Variants in ARHGAP15 observed in about 807,000 individuals in gnomAD.
The protein encoded by ARHGAP15 is rho GTPase-activating protein 15.
ARHGAP15 carries 51 observed loss-of-function variants against 63.7 expected under a neutral mutation model. The ratio of observed to expected loss-of-function variants is 0.80; its 90% CI spans 0.64 to 1.01. The LOEUF (loss-of-function observed/expected upper bound fraction) is 1.01, where lower values mean the gene tolerates loss of function less well. Among genes scored for constraint, ARHGAP15 ranks in the 50% least tolerant of loss-of-function variants. The pLI, the probability that ARHGAP15 is intolerant of heterozygous loss-of-function variation, is 0.00. For missense variants in ARHGAP15, 560 were observed against 564.6 expected, an observed-to-expected ratio of 0.99 and a Z score of 0.08; for synonymous variants, 191 against 193.8, an observed-to-expected ratio of 0.99 and a Z score of 0.12.
At chr2:143,767,478 T>A (rs2072956760) in intron 13 of ARHGAP15, among the ~76,000 whole-genome samples, 1 of 152,232 alleles carries the variant, frequency 6.6e-6, no homozygotes. Context: ...TATACCAAAC[T>A]GTCTCAGAGC....
At position 143,154,893 on chromosome 2, in the gene ARHGAP15, C is replaced by T. The variant is rs140700626; in HGVS notation, c.-14-584C>T. ...TTCATATTCTTTATAAATACGATGT[C>T]CAACTAAGCTAGCAAATCTAGTTCA... On this transcript the variant is annotated intron_variant, in intron 1 of 13. Coordinates refer to ENST00000295095, the MANE Select transcript of ARHGAP15 (RefSeq NM_018460.4). Among the ~76,000 whole-genome samples, 466 of 151,918 alleles carry T rather than the reference C, an allele frequency of 3.1e-3. 2 individuals are homozygous for T. The highest frequency in any genetic ancestry group is 9.7e-3 in the African/African-American group (401 of 41,464).
chr2:143,414,229 T>G (rs1250160516), intron 6 of ARHGAP15, among the ~76,000 whole-genome samples: 1 of 151,492 alleles, frequency 6.6e-6, no homozygotes, highest in East Asian at 1.9e-4. Flanking sequence ...AACGAAATGA[T>G]GAGGCAGCAA....
Position 143,553,187 on chromosome 2 carries a change from T to A in ARHGAP15, c.926-3221T>A, listed in dbSNP as rs144152193. On this transcript the variant is annotated intron_variant, in intron 10 of 13. Transcript: ENST00000295095. ...CAACTCCAAGACTGTACCTATATAA[T>A]TTATAACTGTTAAAATTCACTGATA... Among the ~76,000 whole-genome samples the A allele has an allele frequency of 2.4e-4, 36 of 152,340 alleles. No homozygotes were observed. In the East Asian group the frequency reaches 6.9e-3, roughly 29 times the overall value.
intron 8 of ARHGAP15, among the ~76,000 whole-genome samples, chr2:143,443,173 A>T (rs1689968290): frequency 6.6e-6 from 1 of 152,186 alleles, no homozygotes; most frequent in Admixed American, 6.6e-5. Context: ...ACATATTTTA[A>T]AGTTTTTTCT....
chr2:143,138,713 G>A (rs529733475), intron 1 of ARHGAP15, among the ~76,000 whole-genome samples: 2 of 152,040 alleles, frequency 1.3e-5, no homozygotes, highest in South Asian at 2.1e-4. Flanking sequence ...TATCCAATAC[G>A]GTAGCAACTA....
At chr2:143,740,906 GA>G (rs1030772610) in intron 13 of ARHGAP15, among the ~76,000 whole-genome samples, 4 of 151,714 alleles carry the variant, frequency 2.6e-5, no homozygotes, top group Non-Finnish European at 4.4e-5. Flanking sequence ...CAGAAATATT[GA>G]AGCTGTGGTT....
chr2:143,233,457 T>C (rs1446758271), intron 5 of ARHGAP15, among the ~76,000 whole-genome samples: 1 of 152,070 alleles, frequency 6.6e-6, no homozygotes, highest in Non-Finnish European at 1.5e-5. Flanking sequence ...TAAAATCAAA[T>C]CACCTGTTAA....
At chr2:143,199,216 C>T (rs1692006460) in intron 2 of ARHGAP15, among the ~76,000 whole-genome samples, 1 of 152,012 alleles carries the variant, frequency 6.6e-6, no homozygotes, top group Non-Finnish European at 1.5e-5. Flanking sequence ...GTATTCTGCC[C>T]TCAGTTTCCT....
chr2:143,659,379 G>A (rs907531158), intron 12 of ARHGAP15, among the ~76,000 whole-genome samples: 3 of 152,048 alleles, frequency 2.0e-5, no homozygotes, highest in Non-Finnish European at 2.9e-5. Context: ...ACATTGTGCA[G>A]CTTAAATATA....
chr2:143,319,156 G>T (rs1039292775), intron 6 of ARHGAP15, among the ~76,000 whole-genome samples: 5 of 150,980 alleles, frequency 3.3e-5, no homozygotes, highest in Admixed American at 2.6e-4. Flanking sequence ...TAGATTGATA[G>T]CTCCATTTCT....
At chr2:143,740,100 A>G (rs1380179774) in intron 13 of ARHGAP15, among the ~76,000 whole-genome samples, 2 of 152,166 alleles carry the variant, frequency 1.3e-5, no homozygotes, top group African/African-American at 4.8e-5. Flanking sequence ...TGGTCCATCA[A>G]AATGTTTTGC....
chr2:143,652,761 T>G (rs1387496696), intron 12 of ARHGAP15, among the ~76,000 whole-genome samples: 1 of 152,116 alleles, frequency 6.6e-6, no homozygotes, highest in African/African-American at 2.4e-5. Context: ...GTATTTTGTT[T>G]TGTACTCTGC....
chr2:143,664,834 C>T (rs1682065800), intron 12 of ARHGAP15, among the ~76,000 whole-genome samples: 1 of 152,190 alleles, frequency 6.6e-6, no homozygotes, highest in Admixed American at 6.5e-5. Context: ...GGATAAATTC[C>T]TCGACACATA....
chr2:143,470,543 TTTC>T (rs1471461727), intron 8 of ARHGAP15, among the ~76,000 whole-genome samples: 2 of 150,532 alleles, frequency 1.3e-5, no homozygotes, highest in Admixed American at 6.7e-5. Context: ...TATATATATA[TTTC>T]ATTCTGGGAA....
chr2:143,220,297 A>G (rs1159043539), intron 4 of ARHGAP15, among the ~76,000 whole-genome samples: 1 of 151,892 alleles, frequency 6.6e-6, no homozygotes, highest in Non-Finnish European at 1.5e-5. Flanking sequence ...AGCCTCCTCC[A>G]CCCCCATCCA....
At chr2:143,538,943 T>C (rs1694910589) in intron 10 of ARHGAP15, among the ~76,000 whole-genome samples, 1 of 152,228 alleles carries the variant, frequency 6.6e-6, no homozygotes, top group South Asian at 2.1e-4. Context: ...TGGTATAGTT[T>C]CAGAAGGAAT....
intron 13 of ARHGAP15, among the ~76,000 whole-genome samples, chr2:143,756,594 C>A (rs1024024101): frequency 6.6e-6 from 1 of 151,538 alleles, no homozygotes; most frequent in African/African-American, 2.4e-5. Flanking sequence ...ACTGCTGAGA[C>A]AGTTAAATGC....
chr2:143,326,586 T>G (rs1182213040), intron 6 of ARHGAP15, among the ~76,000 whole-genome samples: 1 of 152,202 alleles, frequency 6.6e-6, no homozygotes, highest in African/African-American at 2.4e-5. Flanking sequence ...TCATTTCAAG[T>G]GACCAATTTT....
At chr2:143,499,155 T>C (rs1193370697) in intron 9 of ARHGAP15, among the ~76,000 whole-genome samples, 2 of 152,182 alleles carry the variant, frequency 1.3e-5, no homozygotes, top group Admixed American at 6.5e-5. Flanking sequence ...AAACATATTA[T>C]GAATATATTG....
Sources: gnomAD v4.1 joint callset for allele counts (sites outside exome capture counted in the v4.1 genomes callset) on GRCh38, gnomAD v4.1.1 for gene constraint, MANE v1.5 for transcripts, NCBI Gene and HGNC (gene_info 2026-07-23, HGNC 2026-07-21) for gene names.